The following ARSB variants were observed in gnomAD, a reference collection of about 807,000 sequenced individuals.
ARSB encodes arylsulfatase B.
A neutral mutation model predicts 50.9 loss-of-function variants in ARSB; 41 were observed. The ratio of observed to expected loss-of-function variants is 0.81; its 90% CI spans 0.63 to 1.04. The LOEUF (loss-of-function observed/expected upper bound fraction) is 1.04, where lower values mean the gene tolerates loss of function less well. Ranked by LOEUF, ARSB falls within the 50% of genes least tolerant of loss-of-function variation. ARSB has a pLI of 0.00. For synonymous variants in ARSB, 269 were observed against 284.8 expected (o/e 0.94, Z 0.56); for missense variants, 672 against 693.3 (o/e 0.97, Z 0.35).
chr5:78,977,879 A>G (rs1347766004), intron 1 of ARSB, among the ~76,000 whole-genome samples: 2 of 152,250 alleles, frequency 1.3e-5, no homozygotes, highest in Non-Finnish European at 2.9e-5. Context: ...ATCAATGTAC[A>G]TATATCAGTT....
intron 6 of ARSB, among the ~76,000 whole-genome samples, chr5:78,801,027 A>T (rs1030861599): frequency 4.6e-5 from 7 of 152,348 alleles, no homozygotes; most frequent in African/African-American, 1.7e-4. Flanking sequence ...AGGAGGACAA[A>T]GTAAGAATTG....
Position 78,887,247 on chromosome 5 carries a change from A to G in ARSB, c.899-1420T>C, listed in dbSNP as rs187007784. ...GGTGAGGGCTTTTGTGCTGCATCAT[A>G]ACATGGCAGAGAAGTGGAAGGAGAG... On this transcript the variant is annotated intron_variant, in intron 4 of 7. Coordinates refer to ENST00000264914, the MANE Select transcript of ARSB (RefSeq NM_000046.5). Among the ~76,000 whole-genome samples, 51 of 152,322 alleles carry G rather than the reference A, an allele frequency of 3.3e-4. 1 individual carries two copies. In the East Asian group the frequency reaches 8.3e-3, roughly 25 times the overall value.
intron 1 of ARSB, among the ~76,000 whole-genome samples, chr5:78,984,474 G>A (rs1168758268): frequency 6.6e-6 from 1 of 152,142 alleles, no homozygotes; most frequent in East Asian, 1.9e-4. Flanking sequence ...AATCTTTGGT[G>A]GGACACTCCT....
chr5:78,947,222 A>G (rs1337874708), intron 4 of ARSB, among the ~76,000 whole-genome samples: 1 of 152,232 alleles, frequency 6.6e-6, no homozygotes, highest in Non-Finnish European at 1.5e-5. Flanking sequence ...GGACTAGGCA[A>G]AGACTTCTTG....
In ARSB at chr5:78,787,138, A is replaced by ATCTATCTATCTATT. The variant is rs3035252; in HGVS notation, c.1214-5165_1214-5164insAATAGATAGATAGA. On this transcript the variant is annotated intron_variant, in intron 6 of 7. Transcript: ENST00000264914. The stretch of plus-strand genomic sequence containing the variant: ...TCTATCTATCTATCTATCTATCTAT[A>ATCTATCTATCTATT]TAGATACAGGTTTCACTATGTTGGC... 2.0e-3 allele frequency among the ~76,000 whole-genome samples: 228 copies of ATCTATCTATCTATT among 112,270 alleles called. 3 individuals carry two copies. Among genetic ancestry groups the ATCTATCTATCTATT allele is most frequent in the African/African-American group, 6.9e-3 (219 of 31,524 alleles). 73.7% of individuals were successfully genotyped at this position (112,270 alleles called of 152,430 possible). A position where few individuals can be genotyped will look rare whatever the true frequency, so the allele number is the denominator to read the frequency against.
chr5:78,982,651 G>A (rs187214012), intron 1 of ARSB, among the ~76,000 whole-genome samples: 89 of 152,328 alleles, frequency 5.8e-4, no homozygotes, highest in Non-Finnish European at 1.1e-3. Context: ...AGATGATAGA[G>A]TTGTTGTGAG....
At chr5:78,794,325 A>G (rs1278037311) in intron 6 of ARSB, among the ~76,000 whole-genome samples, 4 of 151,220 alleles carry the variant, frequency 2.6e-5, no homozygotes, top group East Asian at 1.9e-4. Flanking sequence ...ATCATTTTGG[A>G]AAAAAAAACA....
At chr5:78,946,018 A>G (rs977574546) in intron 4 of ARSB, among the ~76,000 whole-genome samples, 5 of 152,236 alleles carry the variant, frequency 3.3e-5, no homozygotes, top group African/African-American at 9.6e-5. Context: ...TGAGTTTCCT[A>G]AGGGAGCAAT....
chr5:78,984,808 G>T, intron 1 of ARSB, 129 bp downstream of exon 1: 1 of 681,178 alleles, frequency 1.5e-6, no homozygotes, highest in Non-Finnish European at 2.0e-6. Flanking sequence ...AAGCCGCCGG[G>T]ACCCATAACT....
intron 5 of ARSB, among the ~76,000 whole-genome samples, chr5:78,863,052 A>G (rs1226793295): frequency 6.6e-6 from 1 of 152,228 alleles, no homozygotes; most frequent in Non-Finnish European, 1.5e-5. Context: ...CAAAACCACA[A>G]TGAGATACTA....
chr5:78,952,379 C>T (rs1751526079), intron 4 of ARSB, among the ~76,000 whole-genome samples: 1 of 152,084 alleles, frequency 6.6e-6, no homozygotes, highest in African/African-American at 2.4e-5. Flanking sequence ...CTCTGTTACC[C>T]AGGCTGGAGT....
chr5:78,984,612 G>T (rs560497652), intron 1 of ARSB, among the ~76,000 whole-genome samples: 12 of 152,304 alleles, frequency 7.9e-5, no homozygotes, highest in South Asian at 2.1e-4. Flanking sequence ...GGACCGCTCC[G>T]CCTGCCGGCC....
chr5:78,931,876 C>T (rs751462252), intron 4 of ARSB, among the ~76,000 whole-genome samples: 46 of 151,996 alleles, frequency 3.0e-4, no homozygotes, highest in Non-Finnish European at 5.9e-4. Flanking sequence ...TAAGTTCTCA[C>T]AAGAGCTGAT....
chr5:78,802,004 C>A (rs146451919), intron 6 of ARSB, among the ~76,000 whole-genome samples: 29 of 152,304 alleles, frequency 1.9e-4, no homozygotes, highest in Middle Eastern at 6.8e-3. Flanking sequence ...TCTCATCTCA[C>A]CCCACTGCTC....
intron 6 of ARSB, among the ~76,000 whole-genome samples, chr5:78,787,220 T>C (rs1749115553): frequency 6.6e-6 from 1 of 152,138 alleles, no homozygotes; most frequent in Admixed American, 6.5e-5. Flanking sequence ...GTGCTGGGAT[T>C]ACAGGTGTGA....
At chr5:78,913,413 C>T (rs923029013) in intron 4 of ARSB, among the ~76,000 whole-genome samples, 1 of 152,236 alleles carries the variant, frequency 6.6e-6, no homozygotes, top group African/African-American at 2.4e-5. Flanking sequence ...GCGTGAGCCA[C>T]CGCGCCCGGC....
intron 4 of ARSB, among the ~76,000 whole-genome samples, chr5:78,905,735 T>A (rs1211277954): frequency 6.6e-6 from 1 of 151,732 alleles, no homozygotes; most frequent in East Asian, 1.9e-4. Flanking sequence ...AATCAGGGGA[T>A]CCTCTTCTCC....
chr5:78,928,567 C>T lies in ARSB; in HGVS notation c.898+26728G>A, dbSNP rs571847661. On this transcript the variant is annotated intron_variant, in intron 4 of 7. Coordinates refer to ENST00000264914, the MANE Select transcript of ARSB (RefSeq NM_000046.5). ...CTGACTTCAGGTGATCCGCCCACCT[C>T]GGCCTCCCAAAGTGCTGGGATTACA... Among the ~76,000 whole-genome samples, 16 of 152,222 alleles carry T rather than the reference C, an allele frequency of 1.1e-4. 1 individual carries two copies. The South Asian group carries it at 1.9e-3, about 18-fold the overall frequency.
In ARSB at chr5:78,975,302, T is replaced by C. The variant is rs79791389; in HGVS notation, c.313-6110A>G. Among the ~76,000 whole-genome samples, 10 of 152,360 alleles carry C rather than the reference T, an allele frequency of 6.6e-5. No homozygotes were observed. The East Asian group carries it at 1.7e-3, about 26-fold the overall frequency. Reference sequence around the variant, plus strand: ...ACCATGCCCTCTTCTGCCTGCAGCATGCATCTTTCCTGCTCACCTTCTTGA... The same window carrying C: ...ACCATGCCCTCTTCTGCCTGCAGCACGCATCTTTCCTGCTCACCTTCTTGA... On this transcript the variant is annotated intron_variant, in intron 1 of 7. Transcript: ENST00000264914.
Sources: gnomAD v4.1 joint callset for allele counts (sites outside exome capture counted in the v4.1 genomes callset) on GRCh38, gnomAD v4.1.1 for gene constraint, MANE v1.5 for transcripts, NCBI Gene and HGNC (gene_info 2026-07-23, HGNC 2026-07-21) for gene names.